The following SLX9 variants were observed in gnomAD, a reference collection of about 807,000 sequenced individuals.
SLX9 encodes SLX9 ribosome biogenesis factor.
Under a neutral mutation model 20.8 loss-of-function variants are expected in SLX9, and 19 were observed. That is an observed-to-expected ratio of 0.91 (90% CI 0.64 to 1.34). The LOEUF is 1.34. Ranked by LOEUF, SLX9 falls within the 40% of genes most tolerant of loss-of-function variation. The pLI, the probability that SLX9 is intolerant of heterozygous loss-of-function variation, is 0.00. For missense variants in SLX9, 299 were observed against 322.2 expected (o/e 0.93, Z 0.55); for synonymous variants, 113 against 137.1 (o/e 0.82, Z 1.23).
intron 3 of SLX9, among the ~76,000 whole-genome samples, chr21:44,961,895 A>T (rs1228495206): frequency 6.6e-6 from 1 of 152,214 alleles, no homozygotes; most frequent in Non-Finnish European, 1.5e-5. Context: ...GTTATCTCTA[A>T]ATACAGCTTT....
intron 2 of SLX9, among the ~76,000 whole-genome samples, chr21:44,958,669 C>A (rs1420964591): frequency 6.6e-6 from 1 of 152,258 alleles, no homozygotes; most frequent in African/African-American, 2.4e-5. Flanking sequence ...AGCAAGGGCG[C>A]CTTGGGCCCG....
intron 2 of SLX9, among the ~76,000 whole-genome samples, chr21:44,947,143 C>G (rs760836811): frequency 6.6e-6 from 1 of 152,356 alleles, no homozygotes; most frequent in South Asian, 2.1e-4. Context: ...TCCTGATTGG[C>G]TGGTGCCCTG....
chr21:44,966,806 C>T (rs1392992766), intron 3 of SLX9, among the ~76,000 whole-genome samples: 2 of 152,276 alleles, frequency 1.3e-5, no homozygotes, highest in Non-Finnish European at 2.9e-5. Flanking sequence ...GCAGTTCCAC[C>T]TCATTGTCAG....
intron 1 of SLX9, among the ~76,000 whole-genome samples, chr21:44,940,554 C>T (rs914591718): frequency 4.6e-5 from 7 of 152,204 alleles, no homozygotes; most frequent in African/African-American, 1.7e-4. Flanking sequence ...AGAGAGACCC[C>T]GTTCCCTTTA....
chr21:44,971,451 C>T (rs993162280), intron 4 of SLX9, among the ~76,000 whole-genome samples: 46 of 152,188 alleles, frequency 3.0e-4, no homozygotes, highest in African/African-American at 1.1e-3. Context: ...GGACGGTCCC[C>T]GCAGTGGGGA....
At chr21:44,972,010 C>G (rs2085159722) in intron 4 of SLX9, among the ~76,000 whole-genome samples, 1 of 152,126 alleles carries the variant, frequency 6.6e-6, no homozygotes, top group African/African-American at 2.4e-5. Flanking sequence ...CAGCGCAGAG[C>G]TAGGGTTAAA....
chr21:44,950,820 G>T (rs971359920), intron 2 of SLX9, among the ~76,000 whole-genome samples: 1 of 152,176 alleles, frequency 6.6e-6, no homozygotes, highest in Non-Finnish European at 1.5e-5. Context: ...GCGTCCTCAG[G>T]GTTTCTGCGA....
chr21:44,957,036 G>T (rs1366284950), intron 2 of SLX9, among the ~76,000 whole-genome samples: 1 of 152,260 alleles, frequency 6.6e-6, no homozygotes, highest in African/African-American at 2.4e-5. Flanking sequence ...CTGCGCGGCA[G>T]CGTCTCACCT....
chr21:44,976,608 C>T (rs1004560708), intron 5 of SLX9, 72 bp from the exon 6 acceptor site: 14 of 1,529,810 alleles, frequency 9.2e-6, no homozygotes, highest in South Asian at 6.0e-5. Context: ...CGGTGTCTGA[C>T]GTTTCCGGGT....
intron 2 of SLX9, among the ~76,000 whole-genome samples, chr21:44,953,551 C>T (rs575835568): frequency 2.0e-3 from 302 of 151,334 alleles, no homozygotes; most frequent in African/African-American, 6.7e-3. Flanking sequence ...CCATCCCCGG[C>T]GGTGGGGCCC....
At chr21:44,941,529 A>G (rs1333071513) in intron 1 of SLX9, among the ~76,000 whole-genome samples, 1 of 151,774 alleles carries the variant, frequency 6.6e-6, no homozygotes, top group Non-Finnish European at 1.5e-5. Context: ...CTGGTCAGCA[A>G]TTGTTCTTAA....
chr21:44,976,144 G>A (rs1409907074), intron 5 of SLX9, among the ~76,000 whole-genome samples: 1 of 152,258 alleles, frequency 6.6e-6, no homozygotes, highest in African/African-American at 2.4e-5. Flanking sequence ...GGCTGCGCGG[G>A]GTTTAGAGCA....
chr21:44,976,855 A>G lies in SLX9; in HGVS notation c.*52A>G. The G allele has an allele frequency of 1.3e-6, 2 of 1,534,856 alleles. No homozygotes were observed. The highest frequency in any genetic ancestry group is 1.7e-6 in the Non-Finnish European group (2 of 1,146,550). On this transcript the variant is annotated 3_prime_UTR_variant, in exon 6 of 6. Transcript: ENST00000291634. ...CTCAGGACACATGTGGGCCAAGTAGAGAGCGCCGGCCCCTCAAGGACCATG... is the reference window on the plus strand; with the variant it reads ...CTCAGGACACATGTGGGCCAAGTAGGGAGCGCCGGCCCCTCAAGGACCATG...
intron 4 of SLX9, among the ~76,000 whole-genome samples, chr21:44,969,428 C>T (rs566975588): frequency 3.3e-5 from 5 of 152,344 alleles, no homozygotes; most frequent in East Asian, 1.9e-4. Context: ...GCCCCCAGGC[C>T]GAGGAGGATG....
chr21:44,945,694 T>TTTTG (rs991902290), intron 2 of SLX9, among the ~76,000 whole-genome samples: 1 of 151,934 alleles, frequency 6.6e-6, no homozygotes, highest in Non-Finnish European at 1.5e-5. Flanking sequence ...GGATCTTTGT[T>TTTTG]TTTGTTTGTT....
chr21:44,952,229 C>T (rs541772707), intron 2 of SLX9, among the ~76,000 whole-genome samples: 5 of 152,350 alleles, frequency 3.3e-5, no homozygotes, highest in South Asian at 2.1e-4. Context: ...TGGATCTCAC[C>T]GGCTTGCCGA....
At chr21:44,970,883 T>G (rs2085130736) in intron 4 of SLX9, among the ~76,000 whole-genome samples, 1 of 151,482 alleles carries the variant, frequency 6.6e-6, no homozygotes, top group African/African-American at 2.4e-5. Flanking sequence ...GTCCCCTCAG[T>G]CCCCTCCCAA....
chr21:44,947,295 T>C (rs558235116), intron 2 of SLX9, among the ~76,000 whole-genome samples: 68 of 152,340 alleles, frequency 4.5e-4, no homozygotes, highest in African/African-American at 1.6e-3. Context: ...TGGGTGCCTG[T>C]CTGCCTGGCT....
intron 5 of SLX9, 58 bp downstream of exon 5, chr21:44,973,323 C>T: frequency 1.9e-6 from 3 of 1,574,386 alleles, no homozygotes; most frequent in South Asian, 1.1e-5. Context: ...TCACCCTGCC[C>T]ACCCTCTCCA....
Sources: allele counts gnomAD v4.1 joint callset (sites outside exome capture counted in the v4.1 genomes callset), GRCh38; gene constraint gnomAD v4.1.1; transcripts MANE v1.5; gene names NCBI Gene and HGNC (gene_info 2026-07-23, HGNC 2026-07-21).